Variants in LNX1 observed in about 807,000 individuals in gnomAD.
The protein encoded by LNX1 is ligand of numb-protein X 1, also known as E3 ubiquitin-protein ligase LNX.
Under a neutral mutation model 68.4 loss-of-function variants are expected in LNX1, and 54 were observed. That is an observed-to-expected ratio of 0.79 (90% confidence interval 0.63 to 0.99). LNX1 has a LOEUF of 0.99. LNX1 is among the 50% of genes least tolerant of loss of function. The pLI is 0.00. For missense variants in LNX1, 906 were observed against 926.4 expected, an observed-to-expected ratio of 0.98 and a Z score of 0.29; for synonymous variants, 336 against 350.0, an observed-to-expected ratio of 0.96 and a Z score of 0.45.
chr4:53,460,757 G>GTAAC lies in LNX1; in HGVS notation c.*146_*149dup, dbSNP rs1721874633. On this transcript the variant is annotated 3_prime_UTR_variant, in exon 11 of 11. Coordinates refer to ENST00000263925, the MANE Select transcript of LNX1 (RefSeq NM_001126328.3). The stretch of plus-strand genomic sequence containing the variant: ...TTTTTGGAATCATATTTTCTGAGGT[G>GTAAC]TAACTGGCTTTCATTAGATGATCAT... 9 of 766,910 alleles carry GTAAC rather than the reference G, an allele frequency of 1.2e-5. No homozygotes were observed. The highest frequency in any genetic ancestry group is 1.4e-5 in the Non-Finnish European group (7 of 490,094). 47.5% of individuals were successfully genotyped at this position (766,910 alleles called of 1,614,324 possible). A position where few individuals can be genotyped will look rare whatever the true frequency, so the allele number is the denominator to read the frequency against.
At chr4:53,644,423 A>C (rs1391648523) in intron 1 of LNX1, among the ~76,000 whole-genome samples, 4 of 152,152 alleles carry the variant, frequency 2.6e-5, no homozygotes, top group Non-Finnish European at 4.4e-5. Flanking sequence ...AACAAACAAA[A>C]ACAAAACAAA....
intron 2 of LNX1, 76 bp from the exon 3 acceptor site, chr4:53,508,303 C>A (rs1726072987): frequency 1.3e-6 from 2 of 1,531,716 alleles, no homozygotes; most frequent in African/African-American, 1.4e-5. Flanking sequence ...TCTTCAAATA[C>A]AATTGAAGAA....
chr4:53,498,814 C>T lies in LNX1; in HGVS notation c.805G>A (p.Asp269Asn). ...ATCTTGATGCTGGTAATTTCACCATCTGGAATCAGGTGGTACAACCTTGGA... is the reference window on the plus strand; with the variant it reads ...ATCTTGATGCTGGTAATTTCACCATTTGGAATCAGGTGGTACAACCTTGGA... ...VFPRLYHLIP[D>N]GEITSIKINR... Residue 269 changes from aspartate to asparagine, a missense_variant, in exon 5 of 11, where the codon GAT becomes AAT. Coordinates refer to ENST00000263925, the MANE Select transcript of LNX1 (RefSeq NM_001126328.3). The T allele has an allele frequency of 6.2e-7, 1 of 1,613,938 alleles. No individual in the cohort carries two copies. The highest frequency in any genetic ancestry group is 2.2e-5 in the East Asian group (1 of 44,882).
Position 53,562,992 on chromosome 4 carries a change from G to C in LNX1, c.380+10631C>G, listed in dbSNP as rs111593614. ...TTGGGAGGCCGAGACGGATCACGAG[G>C]TCAGGAGATCGAGACCATTCTGGCT... On this transcript the variant is annotated intron_variant, in intron 2 of 10. Transcript: ENST00000263925. Among the ~76,000 whole-genome samples the C allele has an allele frequency of 4.0e-3, 607 of 152,260 alleles. 6 individuals are homozygous for C. The highest frequency in any genetic ancestry group is 0.014 in the African/African-American group (580 of 41,538).
intron 9 of LNX1, among the ~76,000 whole-genome samples, chr4:53,466,117 C>T (rs1380392101): frequency 6.6e-6 from 1 of 151,372 alleles, no homozygotes; most frequent in Admixed American, 6.6e-5. Context: ...AACCCAAGCT[C>T]CACAGAGGAG....
chr4:53,496,420 G>T, intron 5 of LNX1, 26 bp from the exon 6 acceptor site: 2 of 1,544,634 alleles, frequency 1.3e-6, no homozygotes, highest in Non-Finnish European at 1.7e-6. Flanking sequence ...ACAATCGTGC[G>T]GTCAGCTCCA....
At chr4:53,537,309 C>T (rs1328672777) in intron 2 of LNX1, among the ~76,000 whole-genome samples, 1 of 152,148 alleles carries the variant, frequency 6.6e-6, no homozygotes, top group Non-Finnish European at 1.5e-5. Context: ...CCCTTGAAGT[C>T]CTATGTGTGC....
intron 2 of LNX1, among the ~76,000 whole-genome samples, chr4:53,523,427 C>T (rs1452018168): frequency 1.3e-5 from 2 of 152,186 alleles, no homozygotes; most frequent in South Asian, 2.1e-4. Context: ...GTTGGGACTA[C>T]AGGCGTGCAC....
intron 1 of LNX1, among the ~76,000 whole-genome samples, chr4:53,633,147 A>G (rs1425107682): frequency 6.6e-6 from 1 of 152,216 alleles, no homozygotes; most frequent in Non-Finnish European, 1.5e-5. Flanking sequence ...TCTCTATATA[A>G]TGCAGGATGG....
chr4:53,647,982 T>C (rs554074483), intron 1 of LNX1, among the ~76,000 whole-genome samples: 4 of 152,376 alleles, frequency 2.6e-5, no homozygotes, highest in Non-Finnish European at 5.9e-5. Context: ...ATTGTATGTG[T>C]ATACTACATT....
intron 2 of LNX1, among the ~76,000 whole-genome samples, chr4:53,557,117 A>G (rs1302754100): frequency 6.6e-6 from 1 of 152,252 alleles, no homozygotes; most frequent in Admixed American, 6.5e-5. Flanking sequence ...AAGGAGCTGG[A>G]AAAATATCAC....
At chr4:53,609,509 A>G (rs1468902229) in intron 2 of LNX1, among the ~76,000 whole-genome samples, 5 of 148,832 alleles carry the variant, frequency 3.4e-5, no homozygotes, top group Non-Finnish European at 7.4e-5. Flanking sequence ...TTTTATTTAT[A>G]CGGAAATTTT....
chr4:53,631,178 C>G (rs1039327254), intron 1 of LNX1, among the ~76,000 whole-genome samples: 3 of 152,106 alleles, frequency 2.0e-5, no homozygotes, highest in Admixed American at 6.6e-5. Context: ...CAGGGGGAGA[C>G]AGTTTGTCTT....
intron 9 of LNX1, 86 bp from the exon 10 acceptor site, chr4:53,461,679 T>C (rs1722123091): frequency 9.1e-7 from 1 of 1,093,328 alleles, no homozygotes; most frequent in South Asian, 1.7e-5. Context: ...CCATTCCTTT[T>C]GTTGGCATTT....
At chr4:53,513,377 G>A (rs1383237609) in intron 2 of LNX1, among the ~76,000 whole-genome samples, 2 of 152,100 alleles carry the variant, frequency 1.3e-5, no homozygotes, top group Non-Finnish European at 1.5e-5. Flanking sequence ...TGCCTTGTCC[G>A]AGTTCAGAGG....
At chr4:53,509,419 C>T (rs1726165893) in intron 2 of LNX1, among the ~76,000 whole-genome samples, 1 of 152,176 alleles carries the variant, frequency 6.6e-6, no homozygotes, top group African/African-American at 2.4e-5. Flanking sequence ...GTGATATGCA[C>T]ACATGATTTT....
At chr4:53,524,966 G>A (rs1727505598) in intron 2 of LNX1, among the ~76,000 whole-genome samples, 1 of 152,166 alleles carries the variant, frequency 6.6e-6, no homozygotes, top group African/African-American at 2.4e-5. Flanking sequence ...ACTTCCCCTT[G>A]TGGAGGGAGT....
chr4:53,567,051 C>G lies in LNX1; in HGVS notation c.380+6572G>C, dbSNP rs995161360. ...ACTCCCACACATTAATAATGGGAGA[C>G]TTTAACACCCCACTGTCAACATTAG... On this transcript the variant is annotated intron_variant, in intron 2 of 10. Transcript: ENST00000263925. Among the ~76,000 whole-genome samples, 4 of 148,508 alleles carry G rather than the reference C, an allele frequency of 2.7e-5. No homozygotes were observed. In the East Asian group the frequency reaches 6.0e-4, roughly 22 times the overall value.
At chr4:53,576,412 A>G in intron 1 of LNX1, 1 of 1,505,856 alleles carries the variant, frequency 6.6e-7, no homozygotes, top group East Asian at 2.3e-5. Context: ...AGTCCTATTC[A>G]GGTCAGGCTT....
Sources: gnomAD v4.1 joint callset for allele counts (sites outside exome capture counted in the v4.1 genomes callset) on GRCh38, gnomAD v4.1.1 for gene constraint, MANE v1.5 for transcripts, NCBI Gene and HGNC (gene_info 2026-07-23, HGNC 2026-07-21) for gene names.